Variants in PLA2G4E observed in about 807,000 individuals in gnomAD.
PLA2G4E encodes the protein phospholipase A2 group IVE.
Under a neutral mutation model 109.1 loss-of-function variants are expected in PLA2G4E, and 84 were observed. That is an observed-to-expected ratio of 0.77 (90% CI 0.65 to 0.92). The LOEUF is 0.92. Among genes scored for constraint, PLA2G4E ranks in the 40% least tolerant of loss-of-function variants. PLA2G4E has a pLI of 0.00. For synonymous variants in PLA2G4E, 469 were observed against 436.1 expected, an observed-to-expected ratio of 1.08 and a Z score of -0.94; for missense variants, 1,057 against 1,076.6, an observed-to-expected ratio of 0.98 and a Z score of 0.25.
intron 1 of PLA2G4E, among the ~76,000 whole-genome samples, chr15:42,022,580 G>T (rs979915338): frequency 6.6e-6 from 1 of 151,972 alleles, no homozygotes; most frequent in Non-Finnish European, 1.5e-5. Flanking sequence ...TTTTCATAAG[G>T]AATGTGCAAC....
intron 1 of PLA2G4E, among the ~76,000 whole-genome samples, chr15:42,032,389 C>A (rs879868129): frequency 1.3e-5 from 2 of 152,160 alleles, no homozygotes. Context: ...CCCACCACCC[C>A]ACAGGGAAGG....
chr15:42,028,463 G>T (rs1021166606), intron 1 of PLA2G4E, among the ~76,000 whole-genome samples: 1 of 151,908 alleles, frequency 6.6e-6, no homozygotes, highest in Non-Finnish European at 1.5e-5. Flanking sequence ...CTGGAGTGCA[G>T]TGGTGTAATC....
chr15:42,045,606 C>G (rs994925400), intron 1 of PLA2G4E, among the ~76,000 whole-genome samples: 23 of 152,202 alleles, frequency 1.5e-4, no homozygotes, highest in African/African-American at 5.3e-4. Flanking sequence ...TCTTGGCTCC[C>G]AGGACACCAC....
intron 2 of PLA2G4E, 72 bp from the exon 3 acceptor site, chr15:42,007,937 C>A (rs2068494305): frequency 6.7e-7 from 1 of 1,496,734 alleles, no homozygotes; most frequent in Non-Finnish European, 9.1e-7. Flanking sequence ...GAACTTCAGG[C>A]AAGCCTCTTC....
At chr15:42,010,855 T>C (rs1425146003) in intron 2 of PLA2G4E, among the ~76,000 whole-genome samples, 3 of 83,996 alleles carry the variant, frequency 3.6e-5, no homozygotes, top group African/African-American at 1.8e-4. Context: ...CCCTGAATCT[T>C]GAGTATTCAC....
intron 1 of PLA2G4E, among the ~76,000 whole-genome samples, chr15:42,025,078 C>T (rs1478176391): frequency 6.6e-6 from 1 of 151,838 alleles, no homozygotes; most frequent in Non-Finnish European, 1.5e-5. Flanking sequence ...CACCTGTAGT[C>T]CCAGCTACTC....
exon 17 of PLA2G4E, chr15:41,987,324 T>C: frequency 6.2e-7 from 1 of 1,613,954 alleles, no homozygotes; most frequent in Non-Finnish European, 8.5e-7. Flanking sequence ...TACCGTGGTC[T>C]CCAGGATGTT....
At chr15:42,014,870 G>A (rs977997985) in intron 1 of PLA2G4E, among the ~76,000 whole-genome samples, 6 of 152,168 alleles carry the variant, frequency 3.9e-5, no homozygotes, top group African/African-American at 1.4e-4. Context: ...ACTGGCTCCT[G>A]TCAGATGCCT....
chr15:41,983,519 G>A (rs574177962), exon 20 of PLA2G4E: 2 of 544,970 alleles, frequency 3.7e-6, no homozygotes, highest in South Asian at 2.4e-5. Context: ...TTCTCTATAG[G>A]GAAGCACTTG....
At chr15:42,041,942 C>T (rs1405499206) in intron 1 of PLA2G4E, among the ~76,000 whole-genome samples, 1 of 152,172 alleles carries the variant, frequency 6.6e-6, no homozygotes, top group African/African-American at 2.4e-5. Flanking sequence ...GGGGGTCTGT[C>T]TCATGGACGG....
intron 1 of PLA2G4E, among the ~76,000 whole-genome samples, chr15:42,033,220 A>C (rs1889145371): frequency 6.6e-6 from 1 of 152,064 alleles, no homozygotes; most frequent in Non-Finnish European, 1.5e-5. Context: ...AGATGGATTA[A>C]AGTCAGCAGC....
At chr15:42,038,663 G>A (rs1195481998) in intron 1 of PLA2G4E, among the ~76,000 whole-genome samples, 1 of 152,224 alleles carries the variant, frequency 6.6e-6, no homozygotes, top group African/African-American at 2.4e-5. Flanking sequence ...AGACCAGTAC[G>A]TACCGTGAGC....
At chr15:42,045,666 C>G (rs958611626) in intron 1 of PLA2G4E, among the ~76,000 whole-genome samples, 3 of 152,208 alleles carry the variant, frequency 2.0e-5, no homozygotes, top group Non-Finnish European at 1.5e-5. Context: ...TGCATCTACT[C>G]TGATGGCTCT....
chr15:41,989,553 C>T lies in PLA2G4E; in HGVS notation c.1586-1G>A, dbSNP rs747337830. 1.9e-6 allele frequency: 3 copies of T among 1,612,866 alleles called. No homozygotes were observed. In the African/African-American group the frequency reaches 4.0e-5, roughly 22 times the overall value. ...TCGTAGGGGGAGAACTCGAACCACT[C>T]TGCACATGAAGCAGCAGGACGGGGG... On this transcript the variant is annotated splice_acceptor_variant, in intron 14 of 19. Transcript: ENST00000399518. LOFTEE classifies it high-confidence loss of function.
Position 41,993,062 on chromosome 15 carries a change from C to T in PLA2G4E, c.1248-103G>A, listed in dbSNP as rs576734835. On this transcript the variant is annotated intron_variant, in intron 12 of 19. Transcript: ENST00000399518. ...GTGGGCAGGCCATTGAGAACCCTAA[C>T]CTGCCAGGAGGGGAACCTGGAGAGT... The T allele has an allele frequency of 5.6e-5, 58 of 1,042,058 alleles. No individual in the cohort carries two copies. In the African/African-American group the frequency reaches 9.1e-4, roughly 16 times the overall value. 64.6% of individuals were successfully genotyped at this position (1,042,058 alleles called of 1,614,324 possible).
exon 1 of PLA2G4E, chr15:42,050,595 C>T: frequency 6.4e-7 from 1 of 1,550,604 alleles, no homozygotes; most frequent in Non-Finnish European, 8.7e-7. Context: ...TCCTCGAACT[C>T]ACTGAAACTT....
chr15:42,035,211 C>T (rs960663592), intron 1 of PLA2G4E, among the ~76,000 whole-genome samples: 12 of 152,226 alleles, frequency 7.9e-5, no homozygotes, highest in Non-Finnish European at 1.6e-4. Context: ...GTTCTTCTCG[C>T]CTCATTTCCA....
intron 1 of PLA2G4E, among the ~76,000 whole-genome samples, chr15:42,016,994 G>A (rs1417576286): frequency 1.3e-5 from 2 of 152,326 alleles, no homozygotes; most frequent in East Asian, 3.9e-4. Flanking sequence ...TGCACCCTGG[G>A]CTGGCCTGGT....
chr15:42,006,504 GC>G (rs1438741545), intron 3 of PLA2G4E, among the ~76,000 whole-genome samples: 3 of 152,196 alleles, frequency 2.0e-5, no homozygotes, highest in African/African-American at 7.2e-5. Flanking sequence ...GGGCCCCTGG[GC>G]ACTGAAGACA....
Sources: gnomAD v4.1 joint callset for allele counts (sites outside exome capture counted in the v4.1 genomes callset) on GRCh38, gnomAD v4.1.1 for gene constraint, MANE v1.5 for transcripts, NCBI Gene and HGNC (gene_info 2026-07-23, HGNC 2026-07-21) for gene names.